PAM: variants seen among roughly 807,000 people sequenced by gnomAD.
PAM encodes peptidylglycine alpha-amidating monooxygenase, also known as peptidyl-glycine alpha-amidating monooxygenase.
In PAM, 72 loss-of-function variants were observed where a neutral mutation model predicts 122.1. The observed-to-expected ratio is 0.59, with a 90% CI of 0.49 to 0.72. The LOEUF is 0.72. Ranked by LOEUF, PAM falls within the 30% of genes least tolerant of loss-of-function variation. PAM has a pLI of 0.00. For missense variants in PAM, 1,106 were observed against 1,183.7 expected (o/e 0.93, Z 0.96); for synonymous variants, 389 against 404.4 (o/e 0.96, Z 0.46).
chr5:102,984,041 A>G (rs1184512430), intron 15 of PAM, among the ~76,000 whole-genome samples: 1 of 152,204 alleles, frequency 6.6e-6, no homozygotes. Flanking sequence ...AAGCAAAACA[A>G]CAATATCTAC....
At chr5:102,780,563 TA>T (rs1389812483) in intron 1 of PAM, among the ~76,000 whole-genome samples, 4 of 151,944 alleles carry the variant, frequency 2.6e-5, no homozygotes, top group Non-Finnish European at 5.9e-5. Flanking sequence ...CGTACTTCAT[TA>T]AAAAAAGGTC....
intron 12 of PAM, among the ~76,000 whole-genome samples, chr5:102,951,830 C>A (rs1758995870): frequency 6.6e-6 from 1 of 152,002 alleles, no homozygotes; most frequent in Non-Finnish European, 1.5e-5. Context: ...TTTCCAACAG[C>A]TTTGCTTTTG....
chr5:102,927,115 C>G (rs1749835933), intron 7 of PAM, among the ~76,000 whole-genome samples: 1 of 151,930 alleles, frequency 6.6e-6, no homozygotes, highest in African/African-American at 2.4e-5. Flanking sequence ...CTTATCTATC[C>G]ATACGTGGCA....
chr5:102,956,435 A>G (rs938399040), intron 12 of PAM, among the ~76,000 whole-genome samples: 2 of 152,032 alleles, frequency 1.3e-5, no homozygotes, highest in Non-Finnish European at 2.9e-5. Context: ...TTTTATTTTT[A>G]TTTTCTCAAA....
intron 1 of PAM, among the ~76,000 whole-genome samples, chr5:102,863,150 T>G (rs1048069596): frequency 6.9e-6 from 1 of 145,136 alleles, no homozygotes; most frequent in Admixed American, 6.7e-5. Flanking sequence ...TAAATCATTC[T>G]TACCTGAAGA....
chr5:102,984,584 G>T (rs1167574076), intron 15 of PAM, among the ~76,000 whole-genome samples: 1 of 152,122 alleles, frequency 6.6e-6, no homozygotes, highest in Non-Finnish European at 1.5e-5. Context: ...GGTGCACAGA[G>T]ATATATAAAG....
chr5:102,948,357 A>G (rs1226763803), intron 8 of PAM, 21 bp from the exon 9 acceptor site: 2 of 1,458,436 alleles, frequency 1.4e-6, no homozygotes, highest in Non-Finnish European at 1.9e-6. Context: ...TATTTTAGAA[A>G]AATGTTATTT....
In PAM at chr5:103,000,072, C is replaced by T. The variant is rs1350890610; in HGVS notation, c.1614-2961C>T. Among the ~76,000 whole-genome samples, 10 of 152,282 alleles carry T rather than the reference C, an allele frequency of 6.6e-5. No homozygotes were observed. The South Asian group carries it at 1.5e-3, about 22-fold the overall frequency. On this transcript the variant is annotated intron_variant, in intron 16 of 25. Coordinates refer to ENST00000438793, the MANE Select transcript of PAM (RefSeq NM_001177306.2). Reference sequence around the variant, plus strand: ...TTTCCAAACCTTTATGCTCTGCTTCCCTTTTAAACATACGTTCCAATTCAA... The same window carrying T: ...TTTCCAAACCTTTATGCTCTGCTTCTCTTTTAAACATACGTTCCAATTCAA...
intron 8 of PAM, 41 bp from the exon 9 acceptor site, chr5:102,948,337 C>CT: frequency 8.8e-7 from 1 of 1,141,086 alleles, no homozygotes; most frequent in Non-Finnish European, 1.3e-6. Context: ...GTCATTTTGA[C>CT]TTTTTCAGGT....
Position 102,758,001 on chromosome 5 carries a change from C to T in PAM, c.-374+2653C>T, listed in dbSNP as rs150414518. On this transcript the variant is annotated intron_variant, in intron 1 of 25. Transcript: ENST00000438793. ...AGGCTATAGTGAGCTGTGATCATGC[C>T]ACCACACTCCAACTTGGGCCACAGA... Among the ~76,000 whole-genome samples, 13 of 140,102 alleles carry T rather than the reference C, an allele frequency of 9.3e-5. No individual in the cohort carries two copies. The East Asian group carries it at 2.7e-3, about 29-fold the overall frequency. The allele number at this position is 140,102 out of a possible 152,430, so 91.9% of individuals were successfully genotyped here. A position where few individuals can be genotyped will look rare whatever the true frequency, so the allele number is the denominator to read the frequency against.
At chr5:102,770,334 C>G (rs1755391179) in intron 1 of PAM, among the ~76,000 whole-genome samples, 1 of 152,120 alleles carries the variant, frequency 6.6e-6, no homozygotes, top group South Asian at 2.1e-4. Flanking sequence ...TGACTTCTTT[C>G]TTTTCAATTT....
At chr5:102,985,012 T>TA (rs561237476) in intron 15 of PAM, among the ~76,000 whole-genome samples, 51 of 140,800 alleles carry the variant, frequency 3.6e-4, no homozygotes, top group South Asian at 1.1e-3. Context: ...ATGAAGGAAA[T>TA]AAAAAAAAAA....
intron 1 of PAM, among the ~76,000 whole-genome samples, chr5:102,857,137 A>T (rs778811628): frequency 3.9e-5 from 6 of 152,206 alleles, no homozygotes; most frequent in Non-Finnish European, 7.3e-5. Context: ...AAAAATAGAA[A>T]GGGCAAAAAA....
chr5:102,802,477 TG>T (rs1274846071), intron 1 of PAM, among the ~76,000 whole-genome samples: 1 of 152,164 alleles, frequency 6.6e-6, no homozygotes, highest in African/African-American at 2.4e-5. Flanking sequence ...GACCCATACA[TG>T]GGGCACTCTG....
chr5:102,998,790 C>T (rs1455734148), intron 16 of PAM, among the ~76,000 whole-genome samples: 1 of 152,138 alleles, frequency 6.6e-6, no homozygotes, highest in East Asian at 1.9e-4. Flanking sequence ...ATAGCAGAAG[C>T]ATAATTTTCA....
At chr5:102,812,072 A>C (rs1286401102) in intron 1 of PAM, among the ~76,000 whole-genome samples, 1 of 152,214 alleles carries the variant, frequency 6.6e-6, no homozygotes, top group Non-Finnish European at 1.5e-5. Flanking sequence ...CTAGAGAGCC[A>C]AATGTGAAAT....
At chr5:102,758,032 G>C (rs405752) in intron 1 of PAM, among the ~76,000 whole-genome samples, 2 of 121,896 alleles carry the variant, frequency 1.6e-5, no homozygotes, top group Non-Finnish European at 1.7e-5. Flanking sequence ...ACAGAGAGAG[G>C]CCCTGTCTCA....
At chr5:102,986,880 A>T (rs1402915408) in intron 15 of PAM, among the ~76,000 whole-genome samples, 1 of 152,182 alleles carries the variant, frequency 6.6e-6, no homozygotes, top group East Asian at 1.9e-4. Context: ...CATATAAGAC[A>T]TGCCTTTCAC....
intron 3 of PAM, among the ~76,000 whole-genome samples, chr5:102,869,937 A>C (rs947837514): frequency 2.0e-5 from 3 of 152,128 alleles, no homozygotes; most frequent in African/African-American, 7.2e-5. Context: ...CGAAAAACAA[A>C]ATGAAAAAAA....
Sources: allele counts gnomAD v4.1 joint callset (sites outside exome capture counted in the v4.1 genomes callset), GRCh38; gene constraint gnomAD v4.1.1; transcripts MANE v1.5; gene names NCBI Gene and HGNC (gene_info 2026-07-23, HGNC 2026-07-21).